Variants in COL22A1 observed in about 807,000 individuals in gnomAD.
COL22A1 encodes the protein collagen alpha-1(XXII) chain.
Under a neutral mutation model 248.9 loss-of-function variants are expected in COL22A1, and 221 were observed. The observed-to-expected ratio is 0.89, with a 90% CI of 0.80 to 0.99. The LOEUF (loss-of-function observed/expected upper bound fraction) is 0.99. COL22A1 is among the 50% of genes least tolerant of loss of function. The probability of loss-of-function intolerance (pLI) is 0.00; values close to 1 mark genes in which losing one functional copy is unlikely to be tolerated. For missense variants in COL22A1, 2,240 were observed against 2,179.0 expected, an observed-to-expected ratio of 1.03 and a Z score of -0.56; for synonymous variants, 891 against 793.4, an observed-to-expected ratio of 1.12 and a Z score of -2.07.
rs148080111 is a variant in COL22A1 at position 138,904,907 on chromosome 8, G to A, written c.-73+8712C>T. ...ACAGCGGGAGGGCCATGGACCATGA[G>A]GCCCCACAGACTTGAGCCTGGCTTC... On this transcript the variant is annotated intron_variant, in intron 1 of 64. Coordinates refer to ENST00000303045, the MANE Select transcript of COL22A1 (RefSeq NM_152888.3). Among the ~76,000 whole-genome samples the A allele has an allele frequency of 1.8e-3, 268 of 152,240 alleles. 1 individual carries two copies. Among genetic ancestry groups the A allele is most frequent in the African/African-American group, 6.0e-3 (250 of 41,542 alleles).
At chr8:138,659,584 A>T (rs1409708825) in intron 44 of COL22A1, among the ~76,000 whole-genome samples, 1 of 152,084 alleles carries the variant, frequency 6.6e-6, no homozygotes, top group African/African-American at 2.4e-5. Flanking sequence ...CTCCATCCGC[A>T]CAGCTGCCTC....
intron 32 of COL22A1, among the ~76,000 whole-genome samples, chr8:138,696,169 A>G (rs920484180): frequency 4.6e-5 from 7 of 152,190 alleles, no homozygotes; most frequent in Non-Finnish European, 1.0e-4. Flanking sequence ...CCAGGACGGC[A>G]GATAACAACC....
chr8:138,717,642 T>C (rs1338742504), intron 27 of COL22A1, among the ~76,000 whole-genome samples: 1 of 152,056 alleles, frequency 6.6e-6, no homozygotes, highest in African/African-American at 2.4e-5. Flanking sequence ...TAAAAAAAAA[T>C]TCTGTAGAGA....
At chr8:138,874,553 C>A (rs576794699) in intron 3 of COL22A1, among the ~76,000 whole-genome samples, 11 of 152,102 alleles carry the variant, frequency 7.2e-5, no homozygotes, top group Non-Finnish European at 1.5e-4. Flanking sequence ...CCAGTGAGAC[C>A]GAGTGCCAGG....
At chr8:138,807,940 A>C (rs1377849303) in intron 9 of COL22A1, 128 bp from the exon 10 acceptor site, 1 of 853,774 alleles carries the variant, frequency 1.2e-6, no homozygotes, top group Non-Finnish European at 1.8e-6. Flanking sequence ...CCGACCAATG[A>C]GTTGGGCAAG....
At chr8:138,815,655 T>A (rs991749620) in intron 7 of COL22A1, among the ~76,000 whole-genome samples, 2 of 152,192 alleles carry the variant, frequency 1.3e-5, no homozygotes, top group Non-Finnish European at 2.9e-5. Flanking sequence ...CTCAGTTTTT[T>A]AAACATCCCT....
At chr8:138,597,033 G>C in intron 61 of COL22A1, 63 bp from the exon 62 acceptor site, 1 of 1,417,858 alleles carries the variant, frequency 7.1e-7, no homozygotes, top group Non-Finnish European at 9.9e-7. Context: ...TAAGAACCCT[G>C]AGGACTTGGG....
chr8:138,649,210 CAT>C (rs1173978957), intron 46 of COL22A1, among the ~76,000 whole-genome samples: 2 of 152,126 alleles, frequency 1.3e-5, no homozygotes, highest in Non-Finnish European at 2.9e-5. Flanking sequence ...TGTTGACTGA[CAT>C]ATAAGACACA....
At chr8:138,751,019 C>T (rs1832552368) in intron 22 of COL22A1, among the ~76,000 whole-genome samples, 1 of 143,534 alleles carries the variant, frequency 7.0e-6, no homozygotes, top group Admixed American at 7.0e-5. Flanking sequence ...AATTAAATAC[C>T]ATGAGATATC....
chr8:138,664,590 C>A (rs559102198), intron 41 of COL22A1, among the ~76,000 whole-genome samples: 1 of 152,108 alleles, frequency 6.6e-6, no homozygotes, highest in Non-Finnish European at 1.5e-5. Context: ...CCTGTACACA[C>A]CCTGCCTAAG....
chr8:138,867,568 T>C (rs1418099616), intron 3 of COL22A1, among the ~76,000 whole-genome samples: 3 of 152,136 alleles, frequency 2.0e-5, no homozygotes, highest in Non-Finnish European at 4.4e-5. Context: ...CTGGCTGAGA[T>C]CCCTGGCTGG....
chr8:138,730,096 G>A (rs1322321259), intron 23 of COL22A1, among the ~76,000 whole-genome samples: 1 of 152,192 alleles, frequency 6.6e-6, no homozygotes, highest in Non-Finnish European at 1.5e-5. Context: ...CTAAAGCACT[G>A]ACTATATGCT....
chr8:138,694,660 C>G (rs563229585), intron 33 of COL22A1, 99 bp from the exon 34 acceptor site: 1 of 1,413,490 alleles, frequency 7.1e-7, no homozygotes, highest in South Asian at 1.2e-5. Context: ...ATTTGAGATC[C>G]AAGGAGGGGA....
intron 16 of COL22A1, among the ~76,000 whole-genome samples, chr8:138,771,314 A>G (rs1834349993): frequency 6.6e-6 from 1 of 152,150 alleles, no homozygotes; most frequent in African/African-American, 2.4e-5. Flanking sequence ...TGCCTTTCTG[A>G]CCTTCGGGCC....
Position 138,692,463 on chromosome 8 carries a change from A to ATG in COL22A1, c.2754+1181_2754+1182dup, listed in dbSNP as rs145298366. Among the ~76,000 whole-genome samples the ATG allele has an allele frequency of 7.6e-3, 1,031 of 136,020 alleles. 4 individuals are homozygous for ATG. The highest frequency in any genetic ancestry group is 0.011 in the African/African-American group (369 of 34,984). The allele number at this position is 136,020 out of a possible 152,430, so 89.2% of individuals were successfully genotyped here. A position where few individuals can be genotyped will look rare whatever the true frequency, so the allele number is the denominator to read the frequency against. The stretch of plus-strand genomic sequence containing the variant: ...TGTGTGGAGGTGTGTGTGTGAGTGC[A>ATG]TGTGTGTGTGTGTGTGTGTGTGTGT... On this transcript the variant is annotated intron_variant, in intron 35 of 64. Coordinates refer to ENST00000303045, the MANE Select transcript of COL22A1 (RefSeq NM_152888.3).
In COL22A1 at chr8:138,715,747, GA is replaced by G; in HGVS notation, c.2464-13del. 6.3e-7 allele frequency: 1 copy of G among 1,597,924 alleles called. No homozygotes were observed. The highest frequency in any genetic ancestry group is 8.6e-7 in the Non-Finnish European group (1 of 1,168,310). On this transcript the variant is annotated splice_polypyrimidine_tract_variant and intron_variant, in intron 29 of 64. Coordinates refer to ENST00000303045, the MANE Select transcript of COL22A1 (RefSeq NM_152888.3). ...TCACCTTTTTCTCCCTATAATAAAA[GA>G]TAAAATTAGAAAACATTAGAACCCA...
intron 3 of COL22A1, among the ~76,000 whole-genome samples, chr8:138,864,762 A>C (rs1261567308): frequency 6.6e-6 from 1 of 152,152 alleles, no homozygotes; most frequent in African/African-American, 2.4e-5. Context: ...TCCACATTCC[A>C]ACCTCATCTC....
intron 40 of COL22A1, among the ~76,000 whole-genome samples, chr8:138,679,147 A>G (rs1364183818): frequency 6.6e-6 from 1 of 152,166 alleles, no homozygotes; most frequent in African/African-American, 2.4e-5. Context: ...CGAACTTCTG[A>G]ACTCAAACAG....
intron 4 of COL22A1, among the ~76,000 whole-genome samples, chr8:138,843,479 A>G (rs542205047): frequency 6.6e-6 from 1 of 152,180 alleles, no homozygotes; most frequent in Admixed American, 6.5e-5. Context: ...CTTCTTTGCC[A>G]TATGTATTTA....
Sources: gnomAD v4.1 joint callset for allele counts (sites outside exome capture counted in the v4.1 genomes callset) on GRCh38, gnomAD v4.1.1 for gene constraint, MANE v1.5 for transcripts, NCBI Gene and HGNC (gene_info 2026-07-23, HGNC 2026-07-21) for gene names.